SENP7: variants seen among roughly 807,000 people sequenced by gnomAD.
SENP7 encodes the protein SUMO specific peptidase 7, also known as sentrin-specific protease 7.
A neutral mutation model predicts 141.2 loss-of-function variants in SENP7; 64 were observed. The observed-to-expected ratio is 0.45, with a 90% CI of 0.37 to 0.56. The LOEUF (loss-of-function observed/expected upper bound fraction) is 0.56, where lower values mean the gene tolerates loss of function less well. Ranked by LOEUF, SENP7 falls within the 20% of genes least tolerant of loss-of-function variation. The probability of loss-of-function intolerance (pLI) is 0.00; values close to 1 mark genes in which losing one functional copy is unlikely to be tolerated. For missense variants in SENP7, 1,025 were observed against 1,212.2 expected (o/e 0.85, Z 2.29); for synonymous variants, 382 against 426.4 (o/e 0.90, Z 1.28).
rs550401977 is a variant in SENP7 at position 101,424,572 on chromosome 3, T to A, written c.285-6782A>T. On this transcript the variant is annotated intron_variant, in intron 4 of 23. Transcript: ENST00000394095. Reference sequence around the variant, plus strand: ...AGCCAGACACAAAGAACAGCACACCTTCCCCCCACACTGAGCAACCACCCC... The same window carrying A: ...AGCCAGACACAAAGAACAGCACACCATCCCCCCACACTGAGCAACCACCCC... Among the ~76,000 whole-genome samples the A allele has an allele frequency of 1.3e-4, 20 of 151,322 alleles. No individual in the cohort carries two copies. In the South Asian group the frequency reaches 4.2e-3, roughly 32 times the overall value.
intron 23 of SENP7, 66 bp from the exon 24 acceptor site, chr3:101,326,146 T>C: frequency 4.6e-6 from 6 of 1,317,810 alleles, no homozygotes; most frequent in South Asian, 1.7e-5. Flanking sequence ...TTTAATTTCA[T>C]TTTTATAAGA....
chr3:101,441,633 G>A (rs1327920324), intron 4 of SENP7, among the ~76,000 whole-genome samples: 1 of 151,936 alleles, frequency 6.6e-6, no homozygotes, highest in Non-Finnish European at 1.5e-5. Context: ...CACCTACCTC[G>A]GCCACAGCTG....
At chr3:101,409,722 T>C (rs1050249793) in intron 5 of SENP7, among the ~76,000 whole-genome samples, 1 of 152,208 alleles carries the variant, frequency 6.6e-6, no homozygotes, top group African/African-American at 2.4e-5. Context: ...CTGGGATAAT[T>C]GGCTAGCCAC....
Position 101,341,751 on chromosome 3 carries a change from G to C in SENP7, c.2135C>G (p.Thr712Ser). Residue 712 changes from threonine to serine, a missense_variant, in exon 15 of 24, where the codon ACT (threonine) becomes AGT (serine). Around this residue, in one of 4 missense-constraint regions of SENP7, gnomAD observed 295 missense variants for 459.1 expected, o/e 0.64. Transcript: ENST00000394095. The part of the protein sequence containing the change: ...QPSNTDAAKP[T>S]YTFLQKQSSG... ...ACTTTGCTTCTGCAGGAAGGTGTAA[G>C]TAGGCTTGGCCGCATCTGTGTTTGA... is the stretch of plus-strand genomic sequence containing the variant. The C allele has an allele frequency of 2.5e-6, 4 of 1,610,016 alleles. No homozygotes were observed. Among genetic ancestry groups the C allele is most frequent in the Non-Finnish European group, 3.4e-6 (4 of 1,176,890 alleles).
At chr3:101,348,224 A>G (rs945727399) in intron 12 of SENP7, among the ~76,000 whole-genome samples, 173 bp from the exon 13 acceptor site, 2 of 152,208 alleles carry the variant, frequency 1.3e-5, no homozygotes, top group Non-Finnish European at 2.9e-5. Context: ...AAATGCCCCC[A>G]GCAGTATTAT....
Position 101,343,822 on chromosome 3 carries a change from C to G in SENP7, c.1970G>C (p.Trp657Ser). 6.2e-7 allele frequency: 1 copy of G among 1,613,836 alleles called. No homozygotes were observed. The highest frequency in any genetic ancestry group is 8.5e-7 in the Non-Finnish European group (1 of 1,179,890). The part of the protein sequence containing the change: ...GELELSYPLS[W>S]VQAFPLFQNL... ...CTGAAACAAAGGAAATGCCTGAACC[C>G]AAGACAACGGGTAAGAAAGCTCTAA... The change falls in exon 14 of 24, where the codon TGG becomes TCG. Residue 657 changes from tryptophan to serine, a missense_variant. Physicochemically the swap from Trp to Ser is radical, Grantham distance 177. This residue lies in a region of SENP7 where 228 missense variants were observed against 228.5 expected (regional missense o/e 1.00). Coordinates refer to ENST00000394095, the MANE Select transcript of SENP7 (RefSeq NM_020654.5).
At chr3:101,374,782 A>AT (rs1217103259) in intron 6 of SENP7, among the ~76,000 whole-genome samples, 1 of 151,794 alleles carries the variant, frequency 6.6e-6, no homozygotes, top group Non-Finnish European at 1.5e-5. Context: ...AAAAAAAAAA[A>AT]AAAAAAATCA....
intron 4 of SENP7, among the ~76,000 whole-genome samples, chr3:101,428,583 G>C (rs1379963313): frequency 6.6e-6 from 1 of 152,124 alleles, no homozygotes; most frequent in Non-Finnish European, 1.5e-5. Flanking sequence ...ATTCTTTGTA[G>C]ATTCTGGATA....
intron 12 of SENP7, 56 bp from the exon 13 acceptor site, chr3:101,348,107 C>T: frequency 1.7e-6 from 2 of 1,210,828 alleles, no homozygotes; most frequent in Non-Finnish European, 2.3e-6. Flanking sequence ...GAATACACCA[C>T]TTAAACATTA....
At chr3:101,435,230 AT>A (rs1265738229) in intron 4 of SENP7, among the ~76,000 whole-genome samples, 3 of 78,666 alleles carry the variant, frequency 3.8e-5, no homozygotes, top group East Asian at 6.9e-4. Flanking sequence ...GTTCTTCATA[AT>A]AAAAAAAAAA....
At chr3:101,406,265 G>C (rs2061300754) in intron 5 of SENP7, among the ~76,000 whole-genome samples, 1 of 152,132 alleles carries the variant, frequency 6.6e-6, no homozygotes, top group African/African-American at 2.4e-5. Context: ...AAAAAAGGAT[G>C]AGTTCATGTC....
At chr3:101,363,862 T>A (rs944528700) in intron 10 of SENP7, among the ~76,000 whole-genome samples, 1 of 152,184 alleles carries the variant, frequency 6.6e-6, no homozygotes, top group Non-Finnish European at 1.5e-5. Context: ...AAGTTTACCA[T>A]AATTCTGCAC....
At chr3:101,512,991 G>T (rs2065925653) in intron 1 of SENP7, 100 bp downstream of exon 1, 3 of 1,264,980 alleles carry the variant, frequency 2.4e-6, no homozygotes, top group Non-Finnish European at 3.4e-6. Flanking sequence ...CCCCGCCCTC[G>T]CCCCCGCGGC....
rs1257586733 is a variant in SENP7, at chr3:101,463,361, A to C, written c.187-4309T>G. Among the ~76,000 whole-genome samples the C allele has an allele frequency of 3.6e-4, 29 of 79,946 alleles. 1 individual carries two copies. The highest frequency in any genetic ancestry group is 2.0e-3 in the African/African-American group (29 of 14,602). The allele number at this position is 79,946 out of a possible 152,430, so 52.4% of individuals were successfully genotyped here. A position where few individuals can be genotyped will look rare whatever the true frequency, so the allele number is the denominator to read the frequency against. ...AAAACCATGTATCATAAATAAATAA[A>C]TAAATATATATATATATATATATAT... is the stretch of plus-strand genomic sequence containing the variant. On this transcript the variant is annotated intron_variant, in intron 3 of 23. Coordinates refer to ENST00000394095, the MANE Select transcript of SENP7 (RefSeq NM_020654.5).
At chr3:101,388,111 C>G (rs2060711026) in intron 6 of SENP7, among the ~76,000 whole-genome samples, 1 of 152,180 alleles carries the variant, frequency 6.6e-6, no homozygotes, top group Non-Finnish European at 1.5e-5. Flanking sequence ...ACCAATGCCA[C>G]TCACACATCA....
At chr3:101,473,894 C>T (rs1430889198) in intron 3 of SENP7, among the ~76,000 whole-genome samples, 7 of 152,092 alleles carry the variant, frequency 4.6e-5, no homozygotes, top group Admixed American at 1.3e-4. Context: ...TAATCCATCT[C>T]GAGCTAATTT....
At chr3:101,451,328 T>A (rs1211228007) in intron 4 of SENP7, among the ~76,000 whole-genome samples, 1 of 152,056 alleles carries the variant, frequency 6.6e-6, no homozygotes, top group Non-Finnish European at 1.5e-5. Flanking sequence ...ACTATTCCAA[T>A]CAACAGAAAA....
At chr3:101,397,040 A>G (rs2317747) in intron 6 of SENP7, among the ~76,000 whole-genome samples, 60,084 of 151,564 alleles carry the variant, frequency 0.4, 12,373 homozygotes, top group Admixed American at 0.53. Flanking sequence ...ACAAGGTTTC[A>G]CCATGTTGGT....
chr3:101,382,364 TG>T (rs2060527705), intron 6 of SENP7, among the ~76,000 whole-genome samples: 1 of 152,154 alleles, frequency 6.6e-6, no homozygotes, highest in African/African-American at 2.4e-5. Flanking sequence ...AAAAGTTTTT[TG>T]TAGAGACAGG....
Sources: gnomAD v4.1 joint callset for allele counts (sites outside exome capture counted in the v4.1 genomes callset) on GRCh38, gnomAD v4.1.1 for gene constraint, gnomAD v4.1.1 regional missense constraint, MANE v1.5 for transcripts, NCBI Gene and HGNC (gene_info 2026-07-23, HGNC 2026-07-21) for gene names.